ATPSCKMT: variants seen among roughly 807,000 people sequenced by gnomAD.
ATPSCKMT encodes ATP synthase c subunit lysine N-methyltransferase.
Under a neutral mutation model 24.3 loss-of-function variants are expected in ATPSCKMT, and 24 were observed. The ratio of observed to expected loss-of-function variants is 0.99; its 90% CI spans 0.71 to 1.39. ATPSCKMT has a LOEUF of 1.39. Ranked by LOEUF, ATPSCKMT falls within the 40% of genes most tolerant of loss-of-function variation. The pLI, the probability that ATPSCKMT is intolerant of heterozygous loss-of-function variation, is 0.00. For missense variants in ATPSCKMT, 311 were observed against 298.4 expected, an observed-to-expected ratio of 1.04 and a Z score of -0.31; for synonymous variants, 95 against 110.5, an observed-to-expected ratio of 0.86 and a Z score of 0.88.
intron 4 of ATPSCKMT, among the ~76,000 whole-genome samples, chr5:10,235,006 C>T (rs1316393740): frequency 1.3e-5 from 2 of 152,170 alleles, no homozygotes; most frequent in Non-Finnish European, 2.9e-5. Flanking sequence ...TAATCTGAAG[C>T]CAAAGTTTAA....
At chr5:10,241,063 T>C (rs573505870) in intron 1 of ATPSCKMT, among the ~76,000 whole-genome samples, 1 of 151,548 alleles carries the variant, frequency 6.6e-6, no homozygotes, top group Non-Finnish European at 1.5e-5. Context: ...CAGTCTGAAA[T>C]GAATTGGCAG....
chr5:10,240,750 C>A (rs1744600222), intron 1 of ATPSCKMT, among the ~76,000 whole-genome samples: 1 of 152,138 alleles, frequency 6.6e-6, no homozygotes. Flanking sequence ...AATCCCAGCA[C>A]TTTGGGAGGC....
At position 10,227,238 on chromosome 5, in the gene ATPSCKMT, C is replaced by T. The variant is rs116055676; in HGVS notation, c.*203G>A. On this transcript the variant is annotated 3_prime_UTR_variant, in exon 5 of 5. Coordinates refer to ENST00000511437, the MANE Select transcript of ATPSCKMT (RefSeq NM_199133.4). ...CAGGTGCATGGAAAGGCAGTAAGTACAATTTTTAAGAAAATAGCATCAAAA... is the reference window on the plus strand; with the variant it reads ...CAGGTGCATGGAAAGGCAGTAAGTATAATTTTTAAGAAAATAGCATCAAAA... 8,797 of 590,508 alleles carry T rather than the reference C, an allele frequency of 0.015. 102 individuals carry two copies. Among genetic ancestry groups the T allele is most frequent in the Non-Finnish European group, 0.021 (7,207 of 340,082 alleles). The allele number at this position is 590,508 out of a possible 1,614,324, so 36.6% of individuals were successfully genotyped here. A position where few individuals can be genotyped will look rare whatever the true frequency, so the allele number is the denominator to read the frequency against.
chr5:10,232,138 G>A (rs1744167397), intron 4 of ATPSCKMT, among the ~76,000 whole-genome samples: 1 of 152,172 alleles, frequency 6.6e-6, no homozygotes. Context: ...GGAGGCTGGG[G>A]CTGCAGTGAG....
intron 2 of ATPSCKMT, among the ~76,000 whole-genome samples, 199 bp downstream of exon 2, chr5:10,238,868 T>G (rs1469860761): frequency 6.6e-6 from 1 of 152,204 alleles, no homozygotes; most frequent in Non-Finnish European, 1.5e-5. Flanking sequence ...CACTTCCTCC[T>G]TTAAGAACAA....
At chr5:10,239,817 T>C (rs891740028) in intron 1 of ATPSCKMT, among the ~76,000 whole-genome samples, 2 of 152,216 alleles carry the variant, frequency 1.3e-5, no homozygotes, top group Non-Finnish European at 2.9e-5. Flanking sequence ...GTCTGGCATC[T>C]ACAATCCAGT....
chr5:10,249,247 C>T (rs1031987358), intron 1 of ATPSCKMT, among the ~76,000 whole-genome samples: 1 of 133,814 alleles, frequency 7.5e-6, no homozygotes, highest in African/African-American at 2.8e-5. Context: ...CCAGCCCGGG[C>T]TACAGTCTTG....
At chr5:10,235,370 G>A in intron 3 of ATPSCKMT, 109 bp from the exon 4 acceptor site, 1 of 911,460 alleles carries the variant, frequency 1.1e-6, no homozygotes, top group South Asian at 1.4e-5. Context: ...CAAACGGTGG[G>A]TTTTGATGAA....
intron 4 of ATPSCKMT, among the ~76,000 whole-genome samples, chr5:10,228,267 T>C (rs1485444070): frequency 6.6e-6 from 1 of 152,208 alleles, no homozygotes; most frequent in Non-Finnish European, 1.5e-5. Flanking sequence ...AAAATCAAGA[T>C]CTACAGTCAA....
chr5:10,233,373 C>T (rs1425156908), intron 4 of ATPSCKMT, among the ~76,000 whole-genome samples: 2 of 152,138 alleles, frequency 1.3e-5, no homozygotes, highest in African/African-American at 4.8e-5. Context: ...GCACCCCTGA[C>T]CGACCCACCA....
chr5:10,237,981 G>A (rs997624512), intron 2 of ATPSCKMT, among the ~76,000 whole-genome samples: 3 of 152,142 alleles, frequency 2.0e-5, no homozygotes, highest in Non-Finnish European at 4.4e-5. Context: ...TCCTGACCTC[G>A]TGATCTGCCC....
At chr5:10,233,699 T>A (rs1161575535) in intron 4 of ATPSCKMT, among the ~76,000 whole-genome samples, 1 of 152,108 alleles carries the variant, frequency 6.6e-6, no homozygotes, top group Non-Finnish European at 1.5e-5. Flanking sequence ...CTGGGACAAG[T>A]AATCCTGATT....
At chr5:10,249,040 G>T (rs1432489839) in intron 1 of ATPSCKMT, among the ~76,000 whole-genome samples, 1 of 152,050 alleles carries the variant, frequency 6.6e-6, no homozygotes, top group Non-Finnish European at 1.5e-5. Flanking sequence ...GACCTAGACG[G>T]GTACATCACT....
chr5:10,242,594 T>A lies in ATPSCKMT; in HGVS notation c.17-3238A>T, dbSNP rs181997452. The stretch of plus-strand genomic sequence containing the variant: ...TCCTATTAATGTTGATACTCTGACC[T>A]CCTACCATGAATCATGAATGTTATT... On this transcript the variant is annotated intron_variant, in intron 1 of 4. Coordinates refer to ENST00000511437, the MANE Select transcript of ATPSCKMT (RefSeq NM_199133.4). 6.2e-4 allele frequency among the ~76,000 whole-genome samples: 95 copies of A among 152,348 alleles called. 4 individuals carry two copies. In the South Asian group the frequency reaches 0.019, roughly 31 times the overall value.
At chr5:10,236,380 TTTTTC>T in intron 3 of ATPSCKMT, 93 bp downstream of exon 3, 2 of 1,366,488 alleles carry the variant, frequency 1.5e-6, no homozygotes, top group Non-Finnish European at 2.0e-6. Context: ...ATTTTAATTA[TTTTTC>T]TTTTAATACA....
At position 10,236,498 on chromosome 5, in the gene ATPSCKMT, A is replaced by G. The variant is rs1464469830; in HGVS notation, c.424T>C (p.Tyr142His). The change falls in exon 3 of 5, where the codon TAT becomes CAT. Residue 142 changes from tyrosine to histidine, a missense_variant. Tyr to His is a moderately conservative substitution (Grantham distance 83). Coordinates refer to ENST00000511437, the MANE Select transcript of ATPSCKMT (RefSeq NM_199133.4). Reference protein sequence around the residue: ...REGVHGSAKFYISDLWKVTFS... With the variant: ...REGVHGSAKFHISDLWKVTFS... ...CATACCTTCCACAAATCTGAAATATAAAATTTGGCAGATCCATGCACACCT... is the reference window on the plus strand; with the variant it reads ...CATACCTTCCACAAATCTGAAATATGAAATTTGGCAGATCCATGCACACCT... 6.2e-7 allele frequency: 1 copy of G among 1,614,194 alleles called. No individual in the cohort carries two copies. Among genetic ancestry groups the G allele is most frequent in the Admixed American group, 1.7e-5 (1 of 60,000 alleles).
At chr5:10,246,418 G>A (rs965080308) in intron 1 of ATPSCKMT, among the ~76,000 whole-genome samples, 2 of 150,494 alleles carry the variant, frequency 1.3e-5, no homozygotes, top group African/African-American at 4.9e-5. Context: ...ACTCCAGCCT[G>A]GGAGACAGAA....
intron 4 of ATPSCKMT, among the ~76,000 whole-genome samples, chr5:10,230,737 C>T (rs529390607): frequency 7.2e-5 from 11 of 152,206 alleles, no homozygotes; most frequent in East Asian, 1.9e-4. Flanking sequence ...ACACACATCC[C>T]GCCCCCCAGG....
intron 1 of ATPSCKMT, among the ~76,000 whole-genome samples, chr5:10,241,920 A>C (rs975113931): frequency 2.0e-5 from 3 of 152,192 alleles, no homozygotes; most frequent in Admixed American, 2.0e-4. Context: ...TAATTTTAAA[A>C]TCCTTTATTG....
Sources: allele counts gnomAD v4.1 joint callset (sites outside exome capture counted in the v4.1 genomes callset), GRCh38; gene constraint gnomAD v4.1.1; transcripts MANE v1.5; gene names NCBI Gene and HGNC (gene_info 2026-07-23, HGNC 2026-07-21).